The following TMEM25 variants were observed in gnomAD, a reference collection of about 807,000 sequenced individuals.
TMEM25 encodes the protein transmembrane protein 25.
A neutral mutation model predicts 37.0 loss-of-function variants in TMEM25; 36 were observed. The ratio of observed to expected loss-of-function variants is 0.97; its 90% CI spans 0.75 to 1.28. The LOEUF (loss-of-function observed/expected upper bound fraction) is 1.28, where lower values mean the gene tolerates loss of function less well. TMEM25 is among the 50% of genes most tolerant of loss of function. The probability of loss-of-function intolerance (pLI) is 0.00; values close to 1 mark genes in which losing one functional copy is unlikely to be tolerated. For missense variants in TMEM25, 444 were observed against 477.9 expected (o/e 0.93, Z 0.66); for synonymous variants, 197 against 203.7 (o/e 0.97, Z 0.28).
chr11:118,535,817 T>G lies in TMEM25; in HGVS notation c.*1237T>G. ...TGAGCACACAGCAAGTTTAATAAAC[T>G]TGACTGAATTCATTTACATATCTCT... On this transcript the variant is annotated 3_prime_UTR_variant, in exon 9 of 9. Coordinates refer to ENST00000313236, the MANE Select transcript of TMEM25 (RefSeq NM_032780.4). 2 of 1,237,026 alleles carry G rather than the reference T, an allele frequency of 1.6e-6. No homozygotes were observed. The highest frequency in any genetic ancestry group is 3.4e-5 in the East Asian group (1 of 29,780). 76.6% of individuals were successfully genotyped at this position (1,237,026 alleles called of 1,614,324 possible).
rs1455317708 is a variant in TMEM25, at chr11:118,531,650, C to G, written c.-27-125C>G. The G allele has an allele frequency of 6.5e-6, 5 of 768,246 alleles. No homozygotes were observed. In the Admixed American group the frequency reaches 1.5e-4, roughly 23 times the overall value. 47.6% of individuals were successfully genotyped at this position (768,246 alleles called of 1,614,324 possible). ...GCCGTTCGTGTCCGTGCCTTCGCCA[C>G]TGGGGGCTGGTCTACATTTGCGTTT... On this transcript the variant is annotated intron_variant, in intron 1 of 8. Transcript: ENST00000313236.
chr11:118,533,269 T>C lies in TMEM25; in HGVS notation c.673+62T>C, dbSNP rs1175321622. ...GGTGGGCTCAGGGGTCCCGTCCCCA[T>C]ACAGAAATGGGAATACTTGTTGCCC... is the stretch of plus-strand genomic sequence containing the variant. On this transcript the variant is annotated intron_variant, in intron 4 of 8. Coordinates refer to ENST00000313236, the MANE Select transcript of TMEM25 (RefSeq NM_032780.4). The C allele has an allele frequency of 5.1e-6, 8 of 1,557,392 alleles. No homozygotes were observed. The African/African-American group carries it at 6.8e-5, about 13-fold the overall frequency.
Position 118,534,752 on chromosome 11 carries a change from C to T in TMEM25, c.*172C>T. ...CATGCACGTGATGCATTTCACTGGG[C>T]TGTAACCCGCAGGGGCACAGGTATC... On this transcript the variant is annotated 3_prime_UTR_variant, in exon 9 of 9. Coordinates refer to ENST00000313236, the MANE Select transcript of TMEM25 (RefSeq NM_032780.4). This position sits in a 1 kb window ranked among gnomAD's most constrained non-coding sequence, Gnocchi z 4.6. 1 of 1,434,168 alleles carries T rather than the reference C, an allele frequency of 7.0e-7. No homozygotes were observed. Among genetic ancestry groups the T allele is most frequent in the Non-Finnish European group, 9.1e-7 (1 of 1,094,478 alleles). 88.8% of individuals were successfully genotyped at this position (1,434,168 alleles called of 1,614,324 possible). A position where few individuals can be genotyped will look rare whatever the true frequency, so the allele number is the denominator to read the frequency against.
chr11:118,533,525 T>C lies in TMEM25; in HGVS notation c.779T>C (p.Val260Ala). 1 of 1,614,116 alleles carries C rather than the reference T, an allele frequency of 6.2e-7. No homozygotes were observed. Among genetic ancestry groups the C allele is most frequent in the Non-Finnish European group, 8.5e-7 (1 of 1,179,992 alleles). ...TTCAGCACCTTGGTGGCCTGCCTGG[T>C]CTGCAGAAAAGAGAAGAAAACCAAA... ...VGFSTLVACLVCRKEKKTKGP... is the reference protein window; with the variant it reads ...VGFSTLVACLACRKEKKTKGP... Residue 260 changes from valine to alanine, a missense_variant, in exon 5 of 9, where the codon GTC becomes GCC. By Grantham distance (64) the Val-to-Ala change is moderately conservative. Transcript: ENST00000313236.
chr11:118,532,197 C>G lies in TMEM25; in HGVS notation c.118C>G (p.Arg40Gly), dbSNP rs1195303940. 6.2e-7 allele frequency: 1 copy of G among 1,603,026 alleles called. No homozygotes were observed. Among genetic ancestry groups the G allele is most frequent in the South Asian group, 1.1e-5 (1 of 88,980 alleles). Reference sequence around the variant, plus strand: ...AATAGATGGTCAGACCTGGGCTGAGCGGGCACTTCGGGAGAATGAACGCCA... The same window carrying G: ...AATAGATGGTCAGACCTGGGCTGAGGGGGCACTTCGGGAGAATGAACGCCA... ...PQIDGQTWAE[R>G]ALRENERHAF... is the part of the protein sequence containing the mutation. The change falls in exon 3 of 9, where the codon CGG becomes GGG. Residue 40 changes from arginine (R) to glycine (G), a missense_variant. Transcript: ENST00000313236.
downstream of TMEM25, among the ~76,000 whole-genome samples, chr11:118,536,356 G>C (rs181134289): frequency 4.6e-5 from 7 of 151,674 alleles, no homozygotes; most frequent in South Asian, 2.1e-4. Flanking sequence ...ACCATGCCCA[G>C]CTAATTTTGT....
rs782012028 is a variant in TMEM25 at position 118,534,516 on chromosome 11, G to T, written c.1037G>T (p.Arg346Leu). ...GGLLTSQGFIRLPVLGYIYRV... is the reference protein window; with the variant it reads ...GGLLTSQGFILLPVLGYIYRV... The stretch of plus-strand genomic sequence containing the variant: ...TTCTTTGATCCCGCAGGTTTCATCC[G>T]CCTCCCAGTGCTGGGCTATATCTAT... The change falls in exon 9 of 9, where the codon CGC becomes CTC. Residue 346 changes from arginine (R) to leucine (L), a missense_variant. Physicochemically the swap from Arg to Leu is moderately radical, Grantham distance 102. Transcript: ENST00000313236. The surrounding 1 kb of genome is among the most constrained non-coding windows in gnomAD (Gnocchi z 4.6). 2 of 1,614,174 alleles carry T rather than the reference G, an allele frequency of 1.2e-6. No homozygotes were observed. Among genetic ancestry groups the T allele is most frequent in the Middle Eastern group, 1.7e-4 (1 of 6,060 alleles).
Position 118,535,709 on chromosome 11 carries a change from A to T in TMEM25, c.*1129A>T. ...TAAAAAGCAACATGTAAATGATTGGAAATTAATATAGTACAGAATATATTT... is the reference window on the plus strand; with the variant it reads ...TAAAAAGCAACATGTAAATGATTGGTAATTAATATAGTACAGAATATATTT... On this transcript the variant is annotated 3_prime_UTR_variant, in exon 9 of 9. Coordinates refer to ENST00000313236, the MANE Select transcript of TMEM25 (RefSeq NM_032780.4). 1 of 1,442,814 alleles carries T rather than the reference A, an allele frequency of 6.9e-7. No homozygotes were observed. Among genetic ancestry groups the T allele is most frequent in the Non-Finnish European group, 9.1e-7 (1 of 1,099,608 alleles). 89.4% of individuals were successfully genotyped at this position (1,442,814 alleles called of 1,614,324 possible).
chr11:118,532,689 C>A, intron 3 of TMEM25: 1 of 776,648 alleles, frequency 1.3e-6, no homozygotes, highest in Non-Finnish European at 2.0e-6. Flanking sequence ...GGGTGATGAT[C>A]CCGCTGGTAA....
rs782323716 is a variant in TMEM25, at chr11:118,533,011, G to C, written c.477G>C (p.Pro159=). 1 of 1,614,224 alleles carries C rather than the reference G, an allele frequency of 6.2e-7. No individual in the cohort carries two copies. Among genetic ancestry groups the C allele is most frequent in the Admixed American group, 1.7e-5 (1 of 60,030 alleles). ...TGTTTGCCCTGGTGCGTGCCAACCC[G>C]CCGGCCAATGTCACCTGGATCGACC... is the stretch of plus-strand genomic sequence containing the variant. ...VVLFALVRAN[P]PANVTWIDQD... Residue 159 remains proline, a synonymous_variant, in exon 4 of 9, where the codon CCG becomes CCC. Coordinates refer to ENST00000313236, the MANE Select transcript of TMEM25 (RefSeq NM_032780.4).
chr11:118,544,768 C>A lies in TMEM25; in HGVS notation c.1028-1351C>A, dbSNP rs79627484. The A allele has an allele frequency of 6.5e-3, 4,096 of 631,434 alleles. 125 individuals are homozygous for A. The highest frequency in any genetic ancestry group is 0.063 in the African/African-American group (3,442 of 54,680). The allele number at this position is 631,434 out of a possible 1,614,324, so 39.1% of individuals were successfully genotyped here. A position where few individuals can be genotyped will look rare whatever the true frequency, so the allele number is the denominator to read the frequency against. On this transcript the variant is annotated intron_variant, in intron 8 of 8. Transcript: ENST00000354284. ...TTCATTAAACAAACATGTTCTGTGCCCTCTGGCAGAGAGGGCAGCAGGACA... is the reference window on the plus strand; with the variant it reads ...TTCATTAAACAAACATGTTCTGTGCACTCTGGCAGAGAGGGCAGCAGGACA...
At chr11:118,533,762 G>A (rs1385793965) in intron 5 of TMEM25, 95 bp from the exon 6 acceptor site, 2 of 1,598,640 alleles carry the variant, frequency 1.3e-6, no homozygotes, top group African/African-American at 2.7e-5. Context: ...GCATTTGAGA[G>A]ACCCCTTGCC....
At chr11:118,541,619 A>G (rs1200292063) in intron 8 of TMEM25, among the ~76,000 whole-genome samples, 4 of 152,162 alleles carry the variant, frequency 2.6e-5, no homozygotes, top group African/African-American at 7.2e-5. Flanking sequence ...CACAGGGTAC[A>G]TGTGCAGGAT....
rs782151559 is a variant in TMEM25, at chr11:118,534,371, C to T, written c.1027+16C>T. On this transcript the variant is annotated intron_variant, in intron 8 of 8. Coordinates refer to ENST00000313236, the MANE Select transcript of TMEM25 (RefSeq NM_032780.4). The surrounding 1 kb of genome is among the most constrained non-coding windows in gnomAD (Gnocchi z 4.6). ...ACCAGCCAAGGTACTGGGGAAGGGG[C>T]CTGCCACCCTCCTCCTCTGCCCCCC... is the stretch of plus-strand genomic sequence containing the variant. The T allele has an allele frequency of 3.1e-6, 5 of 1,613,028 alleles. No individual in the cohort carries two copies. The African/African-American group carries it at 6.7e-5, about 22-fold the overall frequency.
At position 118,533,857 on chromosome 11, in the gene TMEM25, G is replaced by GC; in HGVS notation, c.810dup (p.Ser271LeufsTer10). On this transcript the variant is annotated frameshift_variant and splice_region_variant, in exon 6 of 9. Transcript: ENST00000313236. LOFTEE classifies it high-confidence loss of function. ...AGGGACATGGTTTCTTTCTCCACAG[G>GC]CCCCTCCCGGCACCCATCTCTGATA... 6.2e-7 allele frequency: 1 copy of GC among 1,614,020 alleles called. No individual in the cohort carries two copies.
chr11:118,537,831 G>A (rs562325964), downstream of TMEM25, among the ~76,000 whole-genome samples: 8 of 152,130 alleles, frequency 5.3e-5, no homozygotes, highest in South Asian at 4.2e-4. Flanking sequence ...CGGGTGGATC[G>A]CTTGAACCCA....
In TMEM25 at chr11:118,534,800, C is replaced by A; in HGVS notation, c.*220C>A. ...ATCTTTGGCAAGGCTACCAGTTGGA[C>A]GTAAGCCCCTCATGCTGACTCAGGG... On this transcript the variant is annotated 3_prime_UTR_variant, in exon 9 of 9. Coordinates refer to ENST00000313236, the MANE Select transcript of TMEM25 (RefSeq NM_032780.4). This position sits in a 1 kb window ranked among gnomAD's most constrained non-coding sequence, Gnocchi z 4.6. 7.2e-7 allele frequency: 1 copy of A among 1,396,528 alleles called. No homozygotes were observed. The highest frequency in any genetic ancestry group is 9.3e-7 in the Non-Finnish European group (1 of 1,074,764). The allele number at this position is 1,396,528 out of a possible 1,614,324, so 86.5% of individuals were successfully genotyped here.
Position 118,532,041 on chromosome 11 carries a change from A to C in TMEM25, c.71-109A>C, listed in dbSNP as rs1951302095. On this transcript the variant is annotated intron_variant, in intron 2 of 8. Transcript: ENST00000313236. Reference sequence around the variant, plus strand: ...CAGCCAGTCCCTGGTGAGAGGACTCAGGTGCCCTTTCCTTTGGCCTGCTGC... The same window carrying C: ...CAGCCAGTCCCTGGTGAGAGGACTCCGGTGCCCTTTCCTTTGGCCTGCTGC... 2.9e-6 allele frequency: 4 copies of C among 1,380,516 alleles called. No individual in the cohort carries two copies. The South Asian group carries it at 4.3e-5, about 15-fold the overall frequency. 85.5% of individuals were successfully genotyped at this position (1,380,516 alleles called of 1,614,324 possible). A position where few individuals can be genotyped will look rare whatever the true frequency, so the allele number is the denominator to read the frequency against.
intron 8 of TMEM25, chr11:118,545,132 G>A: frequency 1.2e-6 from 1 of 800,958 alleles, no homozygotes; most frequent in Non-Finnish European, 2.0e-6. Context: ...ATTCATGAGG[G>A]AACTTGGTTC....
Sources: gnomAD v4.1 joint callset for allele counts (sites outside exome capture counted in the v4.1 genomes callset) on GRCh38, gnomAD v4.1.1 for gene constraint, Gnocchi (gnomAD v3.1) non-coding constraint, MANE v1.5 for transcripts, NCBI Gene and HGNC (gene_info 2026-07-23, HGNC 2026-07-21) for gene names.